Variants in SORBS2 observed in about 807,000 individuals in gnomAD.
The protein encoded by SORBS2 is sorbin and SH3 domain-containing protein 2.
In SORBS2, 46 loss-of-function variants were observed where a neutral mutation model predicts 97.7. The observed-to-expected ratio is 0.47, with a 90% CI of 0.37 to 0.60. SORBS2 has a LOEUF of 0.60. Ranked by LOEUF, SORBS2 falls within the 20% of genes least tolerant of loss-of-function variation. The pLI is 0.00. For synonymous variants in SORBS2, 476 were observed against 473.4 expected (o/e 1.01, Z -0.07); for missense variants, 1,316 against 1,282.3 (o/e 1.03, Z -0.40).
intron 1 of SORBS2, among the ~76,000 whole-genome samples, chr4:185,797,231 C>T (rs1162227964): frequency 6.6e-6 from 1 of 152,230 alleles, no homozygotes; most frequent in Admixed American, 6.5e-5. Flanking sequence ...GAGCGACTGA[C>T]ACAGAGCAGG....
At chr4:185,769,800 A>G (rs9994517) in intron 2 of SORBS2, among the ~76,000 whole-genome samples, 72,508 of 152,070 alleles carry the variant, frequency 0.48, 17,767 homozygotes, top group African/African-American at 0.53. Flanking sequence ...TAATACTACT[A>G]TTTTTTAAAC....
intron 4 of SORBS2, among the ~76,000 whole-genome samples, chr4:185,674,206 C>A (rs1426777887): frequency 6.6e-6 from 1 of 152,210 alleles, no homozygotes; most frequent in Non-Finnish European, 1.5e-5. Flanking sequence ...CTTCCTGTTT[C>A]CCAAATGGAA....
chr4:185,899,579 C>T (rs1207191214), intron 1 of SORBS2, among the ~76,000 whole-genome samples: 1 of 152,140 alleles, frequency 6.6e-6, no homozygotes, highest in Non-Finnish European at 1.5e-5. Flanking sequence ...CAGGCATACT[C>T]AGCACTGAGT....
chr4:185,926,260 C>T (rs2099263623), intron 1 of SORBS2, among the ~76,000 whole-genome samples: 1 of 152,206 alleles, frequency 6.6e-6, no homozygotes, highest in African/African-American at 2.4e-5. Context: ...TAAGAGGCTA[C>T]AGCATAGTTT....
intron 2 of SORBS2, among the ~76,000 whole-genome samples, chr4:185,689,595 C>T (rs73013673): frequency 0.037 from 5,566 of 152,234 alleles, 343 homozygotes; most frequent in African/African-American, 0.13. Context: ...CCCAGGAGCC[C>T]GCCCGCACAG....
chr4:185,731,864 C>CTA (rs2098639782), intron 2 of SORBS2, among the ~76,000 whole-genome samples: 20 of 29,016 alleles, frequency 6.9e-4, no homozygotes, highest in East Asian at 2.1e-3. Context: ...CTCTCTCTCT[C>CTA]TCTATATATA....
intron 1 of SORBS2, among the ~76,000 whole-genome samples, chr4:185,828,873 T>A (rs2153673138): frequency 6.6e-6 from 1 of 152,208 alleles, no homozygotes; most frequent in East Asian, 1.9e-4. Flanking sequence ...GCAACTACAG[T>A]TTCAAGCATC....
chr4:185,951,111 CTTCA>C (rs767690207), intron 1 of SORBS2, among the ~76,000 whole-genome samples: 1 of 152,148 alleles, frequency 6.6e-6, no homozygotes, highest in African/African-American at 2.4e-5. Context: ...CCTTCCAGCG[CTTCA>C]TTGTTTTTCA....
rs149779384 is a variant in SORBS2 at position 185,814,408 on chromosome 4, G to A, written c.-337-39042C>T. Among the ~76,000 whole-genome samples the A allele has an allele frequency of 3.6e-4, 54 of 151,976 alleles. No individual in the cohort carries two copies. In the East Asian group the frequency reaches 0.01, roughly 29 times the overall value. On this transcript the variant is annotated intron_variant, in intron 1 of 20. Transcript: ENST00000284776. Reference sequence around the variant, plus strand: ...AACAAACAATTAGCCAGGCATGGTGGTGCACGCCTGTGGTCCCAGCTACTC... The same window carrying A: ...AACAAACAATTAGCCAGGCATGGTGATGCACGCCTGTGGTCCCAGCTACTC...
Position 185,623,000 on chromosome 4 carries a change from C to A in SORBS2, c.2129G>T (p.Gly710Val), listed in dbSNP as rs150355195. The stretch of plus-strand genomic sequence containing the variant: ...GAAAGAGGCACTGCGGGGCATTCTC[C>A]CGCAGTCATTCTGGTAGGGTGGACA... Residue 710 changes from glycine to valine, a missense_variant, in exon 7 of 15, where the codon GGG becomes GTG. Physicochemically the swap from Gly to Val is moderately radical, Grantham distance 109 (BLOSUM62 -3). Coordinates refer to ENST00000418609, the Ensembl canonical transcript of SORBS2. The A allele has an allele frequency of 3.0e-5, 49 of 1,613,956 alleles. No individual in the cohort carries two copies. In the African/African-American group the frequency reaches 6.1e-4, roughly 20 times the overall value.
At chr4:185,740,710 C>T (rs2098717909) in intron 2 of SORBS2, among the ~76,000 whole-genome samples, 1 of 152,126 alleles carries the variant, frequency 6.6e-6, no homozygotes, top group South Asian at 2.1e-4. Flanking sequence ...TTAACTCAGC[C>T]CAACATTAAC....
chr4:185,826,652 T>G (rs1341749418), intron 1 of SORBS2, among the ~76,000 whole-genome samples: 1 of 152,078 alleles, frequency 6.6e-6, no homozygotes, highest in Non-Finnish European at 1.5e-5. Context: ...ACTGGGTCAG[T>G]AGGAAAAAAA....
At position 185,649,466 on chromosome 4, in the gene SORBS2, C is replaced by A; in HGVS notation, c.281+1G>T. On this transcript the variant is annotated splice_donor_variant, in intron 3 of 14. Coordinates refer to ENST00000418609, the Ensembl canonical transcript of SORBS2. LOFTEE classifies it high-confidence loss of function. ...GGCCACCCTGGGGGGAAATGCCTTA[C>A]TTTTCTGTTGAAGACCGATCTCTTG... 1 of 1,570,628 alleles carries A rather than the reference C, an allele frequency of 6.4e-7. No individual in the cohort carries two copies. The highest frequency in any genetic ancestry group is 8.6e-7 in the Non-Finnish European group (1 of 1,157,394).
chr4:185,653,227 A>G (rs1423708053), intron 1 of SORBS2, among the ~76,000 whole-genome samples: 1 of 152,224 alleles, frequency 6.6e-6, no homozygotes, highest in Non-Finnish European at 1.5e-5. Flanking sequence ...TACTAGTCTA[A>G]GCTACTAAAA....
At position 185,593,937 on chromosome 4, in the gene SORBS2, T is replaced by C; in HGVS notation, c.2797-2A>G. 6.3e-7 allele frequency: 1 copy of C among 1,597,150 alleles called. No homozygotes were observed. The highest frequency in any genetic ancestry group is 8.6e-7 in the Non-Finnish European group (1 of 1,164,688). ...ATGAGTAAACACAGGACGCTGTGGC[T>C]GAAATGAAATGATTTTCAATGTAAT... On this transcript the variant is annotated splice_acceptor_variant, in intron 12 of 14. Transcript: ENST00000418609. LOFTEE classifies it high-confidence loss of function.
chr4:185,933,259 C>G (rs189250571), intron 1 of SORBS2: 1 of 152,188 alleles, frequency 6.6e-6, no homozygotes, highest in Non-Finnish European at 1.5e-5. Context: ...CATGTCTACT[C>G]GAACGTTACA....
At chr4:185,649,437 C>G (rs1193439997) in intron 3 of SORBS2, 30 bp downstream of exon 12, 3 of 1,521,110 alleles carry the variant, frequency 2.0e-6, no homozygotes, top group Admixed American at 2.1e-5. Context: ...CTAAGCGAAA[C>G]ATAGGCCACC....
intron 1 of SORBS2, among the ~76,000 whole-genome samples, chr4:185,944,911 A>G (rs1400847641): frequency 6.6e-6 from 1 of 152,070 alleles, no homozygotes; most frequent in Non-Finnish European, 1.5e-5. Flanking sequence ...CTGTTACAAA[A>G]CCACTCTGTC....
In SORBS2 at chr4:185,643,243, T is replaced by C. The variant is rs558136716; in HGVS notation, c.396+3425A>G. On this transcript the variant is annotated intron_variant, in intron 4 of 14. Transcript: ENST00000418609. ...CTGGAGGATGGGATAGAATTCTCCA[T>C]GTGAAGGAAGAGGTGGTGGGGAGAG... is the stretch of plus-strand genomic sequence containing the variant. 3.2e-3 allele frequency among the ~76,000 whole-genome samples: 490 copies of C among 152,136 alleles called. 2 individuals are homozygous for C. Among genetic ancestry groups the C allele is most frequent in the Middle Eastern group, 0.01 (3 of 294 alleles).
Sources: gnomAD v4.1 joint callset for allele counts (sites outside exome capture counted in the v4.1 genomes callset) on GRCh38, gnomAD v4.1.1 for gene constraint, MANE v1.5 for transcripts, NCBI Gene and HGNC (gene_info 2026-07-23, HGNC 2026-07-21) for gene names.